Variants in RPP30 observed in about 807,000 individuals in gnomAD.
RPP30 encodes the protein ribonuclease P/MRP subunit p30.
A neutral mutation model predicts 38.6 loss-of-function variants in RPP30; 36 were observed. The observed-to-expected ratio is 0.93, with a 90% CI of 0.71 to 1.23. The LOEUF is 1.23. Among genes scored for constraint, RPP30 ranks in the 50% most tolerant of loss-of-function variants. The pLI is 0.00. For synonymous variants in RPP30, 126 were observed against 112.7 expected, an observed-to-expected ratio of 1.12 and a Z score of -0.75; for missense variants, 321 against 321.7, an observed-to-expected ratio of 1.00 and a Z score of 0.02.
At chr10:90,891,489 T>G (rs1847081014) in intron 6 of RPP30, among the ~76,000 whole-genome samples, 1 of 152,240 alleles carries the variant, frequency 6.6e-6, no homozygotes, top group African/African-American at 2.4e-5. Context: ...AGGGCTTCAT[T>G]GTATCTTTTG....
In RPP30 at chr10:90,897,809, G is replaced by A. The variant is rs533823210; in HGVS notation, c.697+1417G>A. Among the ~76,000 whole-genome samples the A allele has an allele frequency of 3.9e-5, 6 of 151,990 alleles. No individual in the cohort carries two copies. The South Asian group carries it at 8.3e-4, about 21-fold the overall frequency. ...TTTTTTTTAGAATTTCTTTTTGTGG[G>A]TACATAGTATGTGTATATATTTATG... On this transcript the variant is annotated intron_variant, in intron 10 of 10. Transcript: ENST00000371703.
intron 4 of RPP30, among the ~76,000 whole-genome samples, chr10:90,877,766 TG>T (rs1846871493): frequency 6.6e-6 from 1 of 152,138 alleles, no homozygotes; most frequent in Non-Finnish European, 1.5e-5. Flanking sequence ...CATAGGAGAA[TG>T]GGAGGCGTAG....
At position 90,901,772 on chromosome 10, in the gene RPP30, T is replaced by G; in HGVS notation, c.*1093T>G. The G allele has an allele frequency of 1.0e-6, 1 of 985,126 alleles. No homozygotes were observed. 61.0% of individuals were successfully genotyped at this position (985,126 alleles called of 1,614,324 possible). A position where few individuals can be genotyped will look rare whatever the true frequency, so the allele number is the denominator to read the frequency against. On this transcript the variant is annotated 3_prime_UTR_variant, in exon 11 of 11. Transcript: ENST00000371703. Reference sequence around the variant, plus strand: ...CCAGAGGTATAACTGAATAAGAAATTTTTTTAAGCAAGAGAAAGACAACTG... The same window carrying G: ...CCAGAGGTATAACTGAATAAGAAATGTTTTTAAGCAAGAGAAAGACAACTG...
chr10:90,874,164 A>G (rs1846819951), intron 1 of RPP30, among the ~76,000 whole-genome samples: 1 of 152,160 alleles, frequency 6.6e-6, no homozygotes, highest in Non-Finnish European at 1.5e-5. Flanking sequence ...TTTCATCCCC[A>G]TTGGTATTTT....
chr10:90,907,186 G>C (rs1349493310), downstream of RPP30, among the ~76,000 whole-genome samples: 1 of 152,196 alleles, frequency 6.6e-6, no homozygotes, highest in Admixed American at 6.5e-5. Flanking sequence ...TTGGTCACAT[G>C]GTGGTAACAC....
intron 6 of RPP30, among the ~76,000 whole-genome samples, chr10:90,893,180 A>G (rs1353957002): frequency 6.6e-6 from 1 of 152,214 alleles, no homozygotes; most frequent in East Asian, 1.9e-4. Context: ...GGGAGCCTTG[A>G]AGCCGGAGGA....
At chr10:90,879,988 T>G (rs1835035273) in intron 5 of RPP30, 1 of 152,190 alleles carries the variant, frequency 6.6e-6, no homozygotes, top group Non-Finnish European at 1.5e-5. Flanking sequence ...CATTAAAATG[T>G]CCATCTGCCA....
chr10:90,878,627 G>C (rs866335315), intron 4 of RPP30, among the ~76,000 whole-genome samples: 46 of 151,840 alleles, frequency 3.0e-4, no homozygotes, highest in African/African-American at 1.1e-3. Flanking sequence ...CAAGTGTCTG[G>C]GACATATGTG....
At chr10:90,896,562 C>T (rs1402190544) in intron 10 of RPP30, among the ~76,000 whole-genome samples, 170 bp downstream of exon 10, 2 of 152,184 alleles carry the variant, frequency 1.3e-5, no homozygotes, top group African/African-American at 4.8e-5. Flanking sequence ...TCAGGCTTTA[C>T]TTTCTAAAGT....
At chr10:90,884,116 G>A (rs1846968059) in intron 5 of RPP30, among the ~76,000 whole-genome samples, 1 of 152,090 alleles carries the variant, frequency 6.6e-6, no homozygotes, top group African/African-American at 2.4e-5. Context: ...AAAATTGAGG[G>A]ATGTTTAATT....
intron 1 of RPP30, among the ~76,000 whole-genome samples, chr10:90,873,142 T>G (rs4586057): frequency 0.26 from 39,455 of 152,100 alleles, 5,848 homozygotes; most frequent in African/African-American, 0.42. Flanking sequence ...TTATTTACTG[T>G]GCTTAACACG....
At chr10:90,875,046 C>A in intron 2 of RPP30, 122 bp downstream of exon 2, 1 of 528,646 alleles carries the variant, frequency 1.9e-6, no homozygotes, top group Non-Finnish European at 3.3e-6. Flanking sequence ...TGCACTACTA[C>A]TTTTCTATTT....
At chr10:90,888,915 A>G (rs1422353587) in intron 6 of RPP30, among the ~76,000 whole-genome samples, 1 of 152,216 alleles carries the variant, frequency 6.6e-6, no homozygotes, top group Admixed American at 6.5e-5. Context: ...TAAAAACTAG[A>G]TGATGGAGTG....
At chr10:90,875,726 A>C (rs1338081424) in intron 3 of RPP30, 112 bp downstream of exon 3, 1 of 892,424 alleles carries the variant, frequency 1.1e-6, no homozygotes, top group African/African-American at 1.7e-5. Context: ...TACCAGTCTT[A>C]ACGTTTTCCT....
chr10:90,896,758 G>A (rs1435016183), intron 10 of RPP30, among the ~76,000 whole-genome samples: 1 of 152,050 alleles, frequency 6.6e-6, no homozygotes, highest in Non-Finnish European at 1.5e-5. Context: ...AAAAATATGT[G>A]TTAAACTATT....
Position 90,879,145 on chromosome 10 carries a change from G to T in RPP30, c.342+11G>T, listed in dbSNP as rs1564711010. The T allele has an allele frequency of 6.2e-7, 1 of 1,604,092 alleles. No homozygotes were observed. Among genetic ancestry groups the T allele is most frequent in the Non-Finnish European group, 8.5e-7 (1 of 1,171,042 alleles). On this transcript the variant is annotated intron_variant, in intron 5 of 10. Transcript: ENST00000371703. ...GAAAAGCTTTTTCATGTGAGTAACA[G>T]ATAAGTAAAAGAAAGTAGTGTATAT...
intron 1 of RPP30, 140 bp from the exon 2 acceptor site, chr10:90,874,729 G>T (rs1846828116): frequency 8.7e-6 from 4 of 458,866 alleles, no homozygotes; most frequent in Non-Finnish European, 1.2e-5. Context: ...TTTAAATCAG[G>T]CAGACTGACA....
chr10:90,875,866 G>C (rs1285935447), intron 3 of RPP30, among the ~76,000 whole-genome samples, 158 bp from the exon 4 acceptor site: 1 of 152,060 alleles, frequency 6.6e-6, no homozygotes, highest in Non-Finnish European at 1.5e-5. Flanking sequence ...ATCTCTTTCT[G>C]TGGCTGTATT....
At chr10:90,906,457 C>A (rs115605292), downstream of RPP30, among the ~76,000 whole-genome samples, 186 of 152,320 alleles carry the variant, frequency 1.2e-3, no homozygotes, top group African/African-American at 4.4e-3. Context: ...GAGTTAACAG[C>A]AGCCAGATTT....
Sources: allele counts gnomAD v4.1 joint callset (sites outside exome capture counted in the v4.1 genomes callset), GRCh38; gene constraint gnomAD v4.1.1; transcripts MANE v1.5; gene names NCBI Gene and HGNC (gene_info 2026-07-23, HGNC 2026-07-21).